The following ETFA variants were observed in gnomAD, a reference collection of about 807,000 sequenced individuals.
ETFA encodes electron transfer flavoprotein subunit alpha.
In ETFA, 22 loss-of-function variants were observed where a neutral mutation model predicts 46.2. The ratio of observed to expected loss-of-function variants is 0.48; its 90% CI spans 0.34 to 0.68. The LOEUF (loss-of-function observed/expected upper bound fraction) is 0.68, where lower values mean the gene tolerates loss of function less well. Ranked by LOEUF, ETFA falls within the 30% of genes least tolerant of loss-of-function variation. ETFA has a pLI of 0.01. For missense variants in ETFA, 345 were observed against 401.1 expected (o/e 0.86, Z 1.19); for synonymous variants, 131 against 139.9 (o/e 0.94, Z 0.45).
intron 8 of ETFA, among the ~76,000 whole-genome samples, chr15:76,281,897 C>CTTTTT (rs34309169): frequency 5.1e-5 from 4 of 78,084 alleles, no homozygotes; most frequent in Non-Finnish European, 9.1e-5. Flanking sequence ...TACACGTATC[C>CTTTTT]TTTTTTTTTT....
intron 1 of ETFA, among the ~76,000 whole-genome samples, chr15:76,300,513 C>T (rs901721979): frequency 2.0e-5 from 3 of 152,172 alleles, no homozygotes; most frequent in Non-Finnish European, 2.9e-5. Context: ...ATGCCAATAT[C>T]CTAGTGCAGG....
In ETFA at chr15:76,283,840, T is replaced by TG. The variant is rs757579257; in HGVS notation, c.665-16dup. On this transcript the variant is annotated splice_polypyrimidine_tract_variant and intron_variant, in intron 7 of 11. Transcript: ENST00000557943. Reference sequence around the variant, plus strand: ...CAAGCCTCGACCTCATTTAAAAAGATGAAAAAAAAAAATTAGGCAAACATC... The same window carrying TG: ...CAAGCCTCGACCTCATTTAAAAAGATGGAAAAAAAAAAATTAGGCAAACATC... 1.6e-5 allele frequency: 26 copies of TG among 1,590,182 alleles called. No homozygotes were observed. The East Asian group carries it at 1.8e-4, about 11-fold the overall frequency.
intron 9 of ETFA, among the ~76,000 whole-genome samples, chr15:76,257,077 CTTT>C (rs71941843): frequency 0.23 from 34,544 of 151,942 alleles, 4,578 homozygotes; most frequent in African/African-American, 0.37. Context: ...ACGTGACTTT[CTTT>C]TTTAAGTCTT....
At chr15:76,301,658 C>T (rs576538586) in intron 1 of ETFA, among the ~76,000 whole-genome samples, 65 of 151,866 alleles carry the variant, frequency 4.3e-4, no homozygotes, top group African/African-American at 1.5e-3. Flanking sequence ...TTCAGTGAGC[C>T]GAGATCACAC....
At chr15:76,222,838 AT>A (rs5813824) in intron 11 of ETFA, among the ~76,000 whole-genome samples, 88,889 of 146,734 alleles carry the variant, frequency 0.61, 27,996 homozygotes, top group Middle Eastern at 0.73. Context: ...CCCAAACTGA[AT>A]TTTTTTTTTT....
chr15:76,268,776 C>A (rs955700602), intron 9 of ETFA, among the ~76,000 whole-genome samples: 1 of 152,142 alleles, frequency 6.6e-6, no homozygotes, highest in Non-Finnish European at 1.5e-5. Flanking sequence ...TGAATAAGGG[C>A]TAAGAAAAAT....
At position 76,272,536 on chromosome 15, in the gene ETFA, A is replaced by G. The variant is rs529158054; in HGVS notation, c.816+1876T>C. Among the ~76,000 whole-genome samples the G allele has an allele frequency of 7.8e-4, 118 of 152,104 alleles. 1 individual carries two copies. The highest frequency in any genetic ancestry group is 2.8e-3 in the African/African-American group (115 of 41,506). ...CGCCCAGCCTGAATTTCTTGTAGAC[A>G]TATTTTTGGTTAAGAAGGTTGTGGG... On this transcript the variant is annotated intron_variant, in intron 9 of 11. Transcript: ENST00000557943.
intron 11 of ETFA, among the ~76,000 whole-genome samples, chr15:76,225,256 CAT>C (rs1182529308): frequency 1.3e-5 from 2 of 152,092 alleles, no homozygotes; most frequent in Non-Finnish European, 2.9e-5. Context: ...TAACTTAGCA[CAT>C]GAGATGCCAA....
chr15:76,246,908 G>A (rs534141945), intron 9 of ETFA, among the ~76,000 whole-genome samples: 10 of 152,014 alleles, frequency 6.6e-5, no homozygotes, highest in African/African-American at 1.9e-4. Flanking sequence ...CAGAAGATAT[G>A]TCTGTGTATG....
chr15:76,262,977 G>T (rs1255939134), intron 9 of ETFA, among the ~76,000 whole-genome samples: 1 of 152,112 alleles, frequency 6.6e-6, no homozygotes, highest in Admixed American at 6.5e-5. Flanking sequence ...TGTCAGGACG[G>T]CCCCGGTAGG....
At chr15:76,227,641 T>C (rs1028654613) in intron 10 of ETFA, 2 of 366,720 alleles carry the variant, frequency 5.5e-6, no homozygotes, top group South Asian at 2.1e-5. Flanking sequence ...GACTCTAATG[T>C]AGTATTATTT....
Position 76,260,953 on chromosome 15 carries a change from G to C in ETFA, c.816+13459C>G, listed in dbSNP as rs149381270. ...ACTGTACAGGACTGCAGCAGGGCTC[G>C]GCCATCAGCACCTGGCATCCAGGCC... On this transcript the variant is annotated intron_variant, in intron 9 of 11. Coordinates refer to ENST00000557943, the MANE Select transcript of ETFA (RefSeq NM_000126.4). 3 of 1,611,002 alleles carry C rather than the reference G, an allele frequency of 1.9e-6. No homozygotes were observed. The African/African-American group carries it at 4.0e-5, about 22-fold the overall frequency.
intron 9 of ETFA, among the ~76,000 whole-genome samples, chr15:76,233,347 T>TTTTG (rs2039089647): frequency 6.8e-6 from 1 of 147,680 alleles, no homozygotes; most frequent in Non-Finnish European, 1.5e-5. Flanking sequence ...TTTTTTTTTT[T>TTTTG]GAGATGGAGT....
intron 1 of ETFA, among the ~76,000 whole-genome samples, chr15:76,298,525 C>T (rs952439231): frequency 1.3e-5 from 2 of 152,152 alleles, no homozygotes; most frequent in Non-Finnish European, 2.9e-5. Context: ...CAGTTTTATA[C>T]ATAGTATCCT....
intron 1 of ETFA, among the ~76,000 whole-genome samples, chr15:76,305,436 A>G (rs755984669): frequency 6.6e-6 from 1 of 152,258 alleles, no homozygotes; most frequent in Non-Finnish European, 1.5e-5. Flanking sequence ...CTAAACATGT[A>G]TAAGGGTAAC....
intron 11 of ETFA, among the ~76,000 whole-genome samples, chr15:76,222,186 TTTC>T (rs1425224976): frequency 6.7e-6 from 1 of 149,784 alleles, no homozygotes; most frequent in Non-Finnish European, 1.5e-5. Flanking sequence ...ACCTTATATG[TTTC>T]TTAATGTTAT....
chr15:76,239,786 TAA>T (rs200710641), intron 9 of ETFA, among the ~76,000 whole-genome samples: 31 of 133,232 alleles, frequency 2.3e-4, no homozygotes, highest in African/African-American at 4.9e-4. Flanking sequence ...TTGTACATAT[TAA>T]AAAAAAAAAA....
At chr15:76,244,854 A>G (rs946671209) in intron 9 of ETFA, among the ~76,000 whole-genome samples, 1 of 152,188 alleles carries the variant, frequency 6.6e-6, no homozygotes, top group Admixed American at 6.5e-5. Flanking sequence ...GCATGCTTTT[A>G]AACAGTTACC....
At chr15:76,234,544 T>C (rs752429599) in intron 9 of ETFA, among the ~76,000 whole-genome samples, 27 of 152,004 alleles carry the variant, frequency 1.8e-4, no homozygotes, top group Non-Finnish European at 1.0e-4. Flanking sequence ...AGTACAGCAA[T>C]TAAGGGTTAT....
Sources: allele counts gnomAD v4.1 joint callset (sites outside exome capture counted in the v4.1 genomes callset), GRCh38; gene constraint gnomAD v4.1.1; transcripts MANE v1.5; gene names NCBI Gene and HGNC (gene_info 2026-07-23, HGNC 2026-07-21).